Variants in DPYD observed in about 807,000 individuals in gnomAD.
DPYD encodes the protein dihydropyrimidine dehydrogenase [NADP(+)].
Under a neutral mutation model 116.2 loss-of-function variants are expected in DPYD, and 109 were observed. The ratio of observed to expected loss-of-function variants is 0.94; its 90% CI spans 0.80 to 1.10. The LOEUF is 1.10. Among genes scored for constraint, DPYD ranks in the 50% least tolerant of loss-of-function variants. The pLI is 0.00. For synonymous variants in DPYD, 440 were observed against 432.0 expected (o/e 1.02, Z -0.23); for missense variants, 1,302 against 1,254.5 (o/e 1.04, Z -0.57).
intron 20 of DPYD, among the ~76,000 whole-genome samples, chr1:97,163,592 G>A (rs1223347229): frequency 1.3e-5 from 2 of 152,134 alleles, no homozygotes; most frequent in African/African-American, 4.8e-5. Flanking sequence ...TTGGTATTGG[G>A]AGTTTGGTTT....
intron 16 of DPYD, among the ~76,000 whole-genome samples, chr1:97,342,281 T>C (rs1669626872): frequency 6.6e-6 from 1 of 152,196 alleles, no homozygotes; most frequent in Non-Finnish European, 1.5e-5. Context: ...TCTTGTAGTA[T>C]TGAATCTTTC....
chr1:97,165,398 C>T (rs534468025), intron 20 of DPYD, among the ~76,000 whole-genome samples: 1 of 152,002 alleles, frequency 6.6e-6, no homozygotes, highest in African/African-American at 2.4e-5. Flanking sequence ...AAAATTGGAC[C>T]CCTTCCTTAC....
At chr1:97,251,341 G>A (rs1166415593) in intron 18 of DPYD, among the ~76,000 whole-genome samples, 2 of 142,772 alleles carry the variant, frequency 1.4e-5, no homozygotes, top group African/African-American at 2.6e-5. Context: ...GCAGTGAGCC[G>A]AGATTGCGCC....
At chr1:97,908,666 C>T (rs557101092) in intron 1 of DPYD, among the ~76,000 whole-genome samples, 34 of 152,112 alleles carry the variant, frequency 2.2e-4, no homozygotes, top group Non-Finnish European at 4.6e-4. Flanking sequence ...CCATGATTAT[C>T]GCACTATCTC....
intron 5 of DPYD, among the ~76,000 whole-genome samples, chr1:97,704,080 G>A (rs545785903): frequency 6.6e-6 from 1 of 152,062 alleles, no homozygotes; most frequent in African/African-American, 2.4e-5. Context: ...ACTTAATAGA[G>A]ATCTGAAGGC....
intron 2 of DPYD, chr1:97,854,915 T>C (rs1257229981): frequency 6.6e-6 from 1 of 152,212 alleles, no homozygotes; most frequent in Non-Finnish European, 1.5e-5. Flanking sequence ...TCCAACGCAG[T>C]TTATGCTTCC....
chr1:97,919,721 C>T (rs773349687), intron 1 of DPYD, among the ~76,000 whole-genome samples: 43 of 152,128 alleles, frequency 2.8e-4, no homozygotes, highest in Non-Finnish European at 6.0e-4. Context: ...TCATATTGCT[C>T]AATATCAAAA....
intron 9 of DPYD, among the ~76,000 whole-genome samples, chr1:97,593,796 CT>C (rs926415731): frequency 3.9e-5 from 6 of 152,110 alleles, no homozygotes; most frequent in African/African-American, 1.4e-4. Flanking sequence ...CATTATAATA[CT>C]TTTTTATGTA....
chr1:97,553,987 G>T (rs1651507864), intron 11 of DPYD, among the ~76,000 whole-genome samples: 1 of 152,000 alleles, frequency 6.6e-6, no homozygotes, highest in Non-Finnish European at 1.5e-5. Context: ...ATGTTCAAAT[G>T]AGCTTATTTA....
At chr1:97,670,916 A>C (rs1377327640) in intron 8 of DPYD, among the ~76,000 whole-genome samples, 2 of 152,216 alleles carry the variant, frequency 1.3e-5, no homozygotes. Flanking sequence ...GGTAACTACC[A>C]TAAGTAAAAT....
At chr1:97,755,186 A>C (rs1191913987) in intron 3 of DPYD, among the ~76,000 whole-genome samples, 2 of 152,166 alleles carry the variant, frequency 1.3e-5, no homozygotes, top group Admixed American at 6.5e-5. Context: ...TGAGCTAAGA[A>C]GGGACAAGGT....
At chr1:97,130,726 CT>C (rs199612380) in intron 20 of DPYD, among the ~76,000 whole-genome samples, 4,488 of 116,080 alleles carry the variant, frequency 0.039, 144 homozygotes, top group Non-Finnish European at 0.062. Context: ...CTCTTTCTTT[CT>C]TTCTTCCTTT....
At chr1:97,365,022 TG>T (rs1219857418) in intron 16 of DPYD, among the ~76,000 whole-genome samples, 1 of 152,186 alleles carries the variant, frequency 6.6e-6, no homozygotes, top group African/African-American at 2.4e-5. Context: ...TTAAGGTCTT[TG>T]TGAAGGTGGT....
intron 3 of DPYD, among the ~76,000 whole-genome samples, chr1:97,742,598 C>A (rs955484204): frequency 1.3e-5 from 2 of 152,084 alleles, no homozygotes; most frequent in African/African-American, 4.8e-5. Flanking sequence ...AAAATAATTT[C>A]TTCGAAGTAT....
At chr1:97,515,966 G>T (rs2101976908) in intron 12 of DPYD, 25 bp from the exon 13 acceptor site, 1 of 1,597,720 alleles carries the variant, frequency 6.3e-7, no homozygotes, top group Non-Finnish European at 8.6e-7. Flanking sequence ...CCAATACTTG[G>T]TTTCATATTA....
chr1:97,154,477 C>A (rs1037676376), intron 20 of DPYD, among the ~76,000 whole-genome samples: 6 of 152,032 alleles, frequency 3.9e-5, no homozygotes, highest in African/African-American at 1.2e-4. Context: ...TACAGTGGGG[C>A]CAGGCACAGT....
At chr1:97,102,092 T>A (rs1208958053) in intron 20 of DPYD, among the ~76,000 whole-genome samples, 1 of 151,958 alleles carries the variant, frequency 6.6e-6, no homozygotes, top group Non-Finnish European at 1.5e-5. Flanking sequence ...GGATTATAAT[T>A]TATTCATGGA....
intron 3 of DPYD, among the ~76,000 whole-genome samples, chr1:97,819,496 T>G (rs146662141): frequency 5.7e-4 from 86 of 152,144 alleles, no homozygotes; most frequent in African/African-American, 2.0e-3. Context: ...CATGTATTAC[T>G]ACTTCCATCA....
At chr1:97,440,001 C>A (rs538444783) in intron 14 of DPYD, among the ~76,000 whole-genome samples, 6 of 151,748 alleles carry the variant, frequency 4.0e-5, no homozygotes, top group South Asian at 2.1e-4. Flanking sequence ...TTCGGCCGGG[C>A]GCGGTGGCTC....
Sources: gnomAD v4.1 joint callset for allele counts (sites outside exome capture counted in the v4.1 genomes callset) on GRCh38, gnomAD v4.1.1 for gene constraint, MANE v1.5 for transcripts, NCBI Gene and HGNC (gene_info 2026-07-23, HGNC 2026-07-21) for gene names.